SCYL2: variants seen among roughly 807,000 people sequenced by gnomAD.
SCYL2 encodes SCY1-like protein 2.
SCYL2 carries 36 observed loss-of-function variants against 100.4 expected under a neutral mutation model. The observed-to-expected ratio is 0.36, with a 90% CI of 0.27 to 0.47. The LOEUF (loss-of-function observed/expected upper bound fraction) is 0.47. Among genes scored for constraint, SCYL2 ranks in the 20% least tolerant of loss-of-function variants. The pLI is 1.00. For missense variants in SCYL2, 902 were observed against 1,083.9 expected, an observed-to-expected ratio of 0.83 and a Z score of 2.36; for synonymous variants, 330 against 359.2, an observed-to-expected ratio of 0.92 and a Z score of 0.92.
intron 1 of SCYL2, among the ~76,000 whole-genome samples, chr12:100,275,354 A>G (rs780095948): frequency 3.3e-5 from 5 of 152,104 alleles, no homozygotes; most frequent in Non-Finnish European, 5.9e-5. Context: ...GACATGTGCT[A>G]CTGCTCCTGG....
intron 13 of SCYL2, among the ~76,000 whole-genome samples, chr12:100,331,040 T>A (rs1952203270): frequency 6.6e-6 from 1 of 151,730 alleles, no homozygotes; most frequent in Non-Finnish European, 1.5e-5. Flanking sequence ...TGTTCCAGGA[T>A]GGTCTCAGAC....
Position 100,311,211 on chromosome 12 carries a change from C to G in SCYL2, c.630+18C>G, listed in dbSNP as rs374714380. 4 of 1,575,330 alleles carry G rather than the reference C, an allele frequency of 2.5e-6. No individual in the cohort carries two copies. The highest frequency in any genetic ancestry group is 2.6e-6 in the Non-Finnish European group (3 of 1,166,222). The stretch of plus-strand genomic sequence containing the variant: ...AACAAGAGGTAATGAAAGTTTTAGT[C>G]TTCTAATTTTTGAGGCCAGGGAAAT... On this transcript the variant is annotated intron_variant, in intron 5 of 17. Coordinates refer to ENST00000360820, the MANE Select transcript of SCYL2 (RefSeq NM_017988.6).
chr12:100,291,872 T>C (rs1192661424), intron 3 of SCYL2: 2 of 494,350 alleles, frequency 4.0e-6, no homozygotes, highest in Non-Finnish European at 7.0e-6. Context: ...ACTTTTGCCA[T>C]GATTCTGTAC....
At chr12:100,302,655 G>A (rs2135879651) in intron 4 of SCYL2, among the ~76,000 whole-genome samples, 1 of 152,296 alleles carries the variant, frequency 6.6e-6, no homozygotes, top group Non-Finnish European at 1.5e-5. Context: ...TTCTTTGTGG[G>A]TAACCCGACC....
At chr12:100,320,789 T>C (rs2096354931) in intron 10 of SCYL2, among the ~76,000 whole-genome samples, 1 of 152,158 alleles carries the variant, frequency 6.6e-6, no homozygotes, top group South Asian at 2.1e-4. Flanking sequence ...TCTCTGTCTC[T>C]CTGTCTTAAA....
chr12:100,294,745 G>A (rs1414383075), intron 3 of SCYL2, among the ~76,000 whole-genome samples: 1 of 142,300 alleles, frequency 7.0e-6, no homozygotes, highest in Non-Finnish European at 1.5e-5. Flanking sequence ...CCGGGTGGGG[G>A]GCTGACCCCC....
At chr12:100,274,488 G>C (rs2096290643) in intron 1 of SCYL2, among the ~76,000 whole-genome samples, 1 of 152,162 alleles carries the variant, frequency 6.6e-6, no homozygotes, top group African/African-American at 2.4e-5. Flanking sequence ...TAAGGCGTGG[G>C]TTCTTGTTGT....
chr12:100,275,635 G>A (rs753764455), intron 1 of SCYL2, among the ~76,000 whole-genome samples: 2 of 152,064 alleles, frequency 1.3e-5, no homozygotes, highest in Non-Finnish European at 2.9e-5. Context: ...GGAATAAATT[G>A]TATTCTTTCT....
In SCYL2 at chr12:100,314,492, C is replaced by G. The variant is rs1374203014; in HGVS notation, c.973C>G (p.Pro325Ala). ...RPDADQMTKI[P>A]FFDDVGAVTL... Reference sequence around the variant, plus strand: ...ACTTTATTTCCATTTTTTTTAGATTCCCTTCTTTGATGATGTTGGTGCAGT... The same window carrying G: ...ACTTTATTTCCATTTTTTTTAGATTGCCTTCTTTGATGATGTTGGTGCAGT... The change falls in exon 8 of 18, where the codon CCC becomes GCC. Residue 325 changes from proline (P) to alanine (A), a missense_variant. Coordinates refer to ENST00000360820, the MANE Select transcript of SCYL2 (RefSeq NM_017988.6). 1 of 1,574,038 alleles carries G rather than the reference C, an allele frequency of 6.4e-7. No homozygotes were observed. Among genetic ancestry groups the G allele is most frequent in the South Asian group, 1.2e-5 (1 of 86,688 alleles).
At chr12:100,326,845 A>G in intron 12 of SCYL2, 91 bp downstream of exon 12, 1 of 1,012,532 alleles carries the variant, frequency 9.9e-7, no homozygotes, top group Non-Finnish European at 1.4e-6. Flanking sequence ...TTTCGTGTAT[A>G]TAGCATTTCA....
chr12:100,300,511 C>T (rs1235864359), intron 4 of SCYL2, among the ~76,000 whole-genome samples: 1 of 152,008 alleles, frequency 6.6e-6, no homozygotes, highest in Non-Finnish European at 1.5e-5. Flanking sequence ...ACTCCTTTAG[C>T]TATTTTTAAA....
Position 100,341,250 on chromosome 12 carries a change from T to G in SCYL2, c.*2078T>G, listed in dbSNP as rs1437080245. ...CCATTGCCTTTTTCTGTTGAGAAAT[T>G]GCCTCTGAAAAATAGTGCTATTTTT... On this transcript the variant is annotated 3_prime_UTR_variant, in exon 18 of 18. Coordinates refer to ENST00000360820, the MANE Select transcript of SCYL2 (RefSeq NM_017988.6). 1 of 152,124 alleles carries G rather than the reference T, an allele frequency of 6.6e-6. No homozygotes were observed. Among genetic ancestry groups the G allele is most frequent in the East Asian group, 1.9e-4 (1 of 5,194 alleles). 9.4% of individuals were successfully genotyped at this position (152,124 alleles called of 1,614,324 possible).
At chr12:100,320,314 G>T (rs1359905460) in intron 10 of SCYL2, among the ~76,000 whole-genome samples, 1 of 152,108 alleles carries the variant, frequency 6.6e-6, no homozygotes, top group Non-Finnish European at 1.5e-5. Flanking sequence ...GGAGGCCAAG[G>T]CAGGCGGATC....
intron 10 of SCYL2, among the ~76,000 whole-genome samples, chr12:100,320,337 G>A (rs1424832550): frequency 6.6e-6 from 1 of 152,088 alleles, no homozygotes; most frequent in Non-Finnish European, 1.5e-5. Context: ...CTGAGGTCAG[G>A]AGTTCAAGAC....
At chr12:100,338,434 A>G (rs1770472788) in intron 17 of SCYL2, 94 bp from the exon 18 acceptor site, 4 of 1,151,808 alleles carry the variant, frequency 3.5e-6, no homozygotes, top group Non-Finnish European at 4.8e-6. Flanking sequence ...GCTTAATTCT[A>G]ACTTGTCCTT....
rs1952327091 is a variant in SCYL2 at position 100,339,540 on chromosome 12, C to G, written c.*368C>G. The G allele has an allele frequency of 4.0e-6, 1 of 247,238 alleles. No homozygotes were observed. 15.3% of individuals were successfully genotyped at this position (247,238 alleles called of 1,614,324 possible). On this transcript the variant is annotated 3_prime_UTR_variant, in exon 18 of 18. Transcript: ENST00000360820. ...AAATTGAGGTGATGGTCATTGCAAG[C>G]TCATCTATTAAGTACTATATGGTAC...
intron 4 of SCYL2, among the ~76,000 whole-genome samples, chr12:100,308,556 C>A (rs569679627): frequency 6.6e-6 from 1 of 152,176 alleles, no homozygotes; most frequent in South Asian, 2.1e-4. Flanking sequence ...TTGATGGGTG[C>A]AGCAAACCAC....
intron 1 of SCYL2, among the ~76,000 whole-genome samples, chr12:100,271,281 A>AAAAAAG (rs869276181): frequency 0.025 from 3,165 of 128,334 alleles, 106 homozygotes; most frequent in African/African-American, 0.044. Context: ...AAAAAAAAAA[A>AAAAAAG]AGAGAGAGAG....
intron 4 of SCYL2, among the ~76,000 whole-genome samples, chr12:100,309,431 C>T (rs2096339398): frequency 6.6e-6 from 1 of 152,140 alleles, no homozygotes; most frequent in African/African-American, 2.4e-5. Flanking sequence ...TACTTTCTGT[C>T]TCTATGAATT....
Sources: gnomAD v4.1 joint callset for allele counts (sites outside exome capture counted in the v4.1 genomes callset) on GRCh38, gnomAD v4.1.1 for gene constraint, MANE v1.5 for transcripts, NCBI Gene and HGNC (gene_info 2026-07-23, HGNC 2026-07-21) for gene names.